The following CDK6 variants were observed in gnomAD, a reference collection of about 807,000 sequenced individuals.
CDK6 encodes the protein cyclin dependent kinase 6.
CDK6 carries 6 observed loss-of-function variants against 37.1 expected under a neutral mutation model. The ratio of observed to expected loss-of-function variants is 0.16; its 90% confidence interval spans 0.09 to 0.32. The LOEUF (loss-of-function observed/expected upper bound fraction) is 0.32, where lower values mean the gene tolerates loss of function less well. Ranked by LOEUF, CDK6 falls within the 10% of genes least tolerant of loss-of-function variation. The pLI is 1.00. For synonymous variants in CDK6, 160 were observed against 161.3 expected, an observed-to-expected ratio of 0.99 and a Z score of 0.06; for missense variants, 224 against 418.9, an observed-to-expected ratio of 0.53 and a Z score of 4.06.
At chr7:92,756,614 A>C (rs773407521) in intron 3 of CDK6, among the ~76,000 whole-genome samples, 28 of 152,208 alleles carry the variant, frequency 1.8e-4, no homozygotes, top group Non-Finnish European at 2.8e-4. Context: ...GCAATAACTT[A>C]AAGAGTTGTA....
intron 6 of CDK6, 107 bp downstream of exon 6, chr7:92,622,929 G>T: frequency 1.4e-6 from 1 of 705,592 alleles, no homozygotes; most frequent in South Asian, 1.8e-5. Flanking sequence ...GCAGCTGCTT[G>T]AAGTAAGAAA....
intron 3 of CDK6, among the ~76,000 whole-genome samples, chr7:92,764,179 C>T (rs1435691467): frequency 6.6e-6 from 1 of 150,404 alleles, no homozygotes; most frequent in African/African-American, 2.5e-5. Context: ...TGCTCTGTCA[C>T]CCAGGCTGCT....
intron 3 of CDK6, among the ~76,000 whole-genome samples, chr7:92,753,403 C>G (rs1032032255): frequency 6.6e-6 from 1 of 151,764 alleles, no homozygotes; most frequent in African/African-American, 2.4e-5. Context: ...CCGAATGAGG[C>G]AAATTTCTCA....
chr7:92,683,368 G>A (rs1015008683), intron 4 of CDK6, among the ~76,000 whole-genome samples: 1 of 152,196 alleles, frequency 6.6e-6, no homozygotes, highest in Non-Finnish European at 1.5e-5. Context: ...CAGGTTGCAA[G>A]CAAACCTACT....
chr7:92,829,531 G>A (rs1801423151), intron 2 of CDK6, among the ~76,000 whole-genome samples: 2 of 152,154 alleles, frequency 1.3e-5, no homozygotes, highest in South Asian at 4.1e-4. Flanking sequence ...GAGTAGCTAG[G>A]TATGATTTAC....
At chr7:92,620,061 T>G (rs1458412921) in intron 6 of CDK6, among the ~76,000 whole-genome samples, 1 of 152,136 alleles carries the variant, frequency 6.6e-6, no homozygotes, top group Non-Finnish European at 1.5e-5. Context: ...TTGTGTATAT[T>G]CACCAGTCAG....
intron 2 of CDK6, among the ~76,000 whole-genome samples, chr7:92,792,593 T>C (rs896924297): frequency 6.6e-6 from 1 of 152,086 alleles, no homozygotes; most frequent in Non-Finnish European, 1.5e-5. Flanking sequence ...GGAGGTGGAA[T>C]CCAGAAGATC....
At chr7:92,688,952 G>A (rs1797534654) in intron 4 of CDK6, among the ~76,000 whole-genome samples, 3 of 152,162 alleles carry the variant, frequency 2.0e-5, no homozygotes, top group Admixed American at 2.0e-4. Flanking sequence ...AACTATTTTG[G>A]CGGAGGGAGG....
intron 4 of CDK6, among the ~76,000 whole-genome samples, chr7:92,700,308 G>T (rs1033573034): frequency 3.3e-5 from 5 of 152,238 alleles, no homozygotes; most frequent in Non-Finnish European, 5.9e-5. Flanking sequence ...TCTGGTAACT[G>T]TGTAGGATTG....
At chr7:92,827,083 A>G (rs76649419) in intron 2 of CDK6, among the ~76,000 whole-genome samples, 3,619 of 152,264 alleles carry the variant, frequency 0.024, 136 homozygotes, top group South Asian at 0.18. Flanking sequence ...ATCAGTTTAT[A>G]TCTACAATGC....
chr7:92,653,650 T>G (rs1796626060), intron 5 of CDK6, among the ~76,000 whole-genome samples: 1 of 152,250 alleles, frequency 6.6e-6, no homozygotes, highest in Non-Finnish European at 1.5e-5. Context: ...ATGTCTCTTT[T>G]TAATGATTTT....
chr7:92,764,019 ATAGT>A (rs1324131370), intron 3 of CDK6, among the ~76,000 whole-genome samples: 1 of 151,896 alleles, frequency 6.6e-6, no homozygotes, highest in East Asian at 1.9e-4. Flanking sequence ...CCTTTATTAG[ATAGT>A]TACTCATTTT....
chr7:92,740,366 T>G (rs1334121612), intron 3 of CDK6, among the ~76,000 whole-genome samples: 5 of 152,210 alleles, frequency 3.3e-5, no homozygotes, highest in African/African-American at 1.2e-4. Flanking sequence ...TTTCAACTTG[T>G]CTTTCAAGGC....
At chr7:92,661,914 G>C (rs575413909) in intron 5 of CDK6, among the ~76,000 whole-genome samples, 2 of 152,354 alleles carry the variant, frequency 1.3e-5, no homozygotes, top group African/African-American at 4.8e-5. Context: ...GATGGGAAGG[G>C]ATGAAGAAAT....
intron 2 of CDK6, among the ~76,000 whole-genome samples, chr7:92,793,149 T>C (rs1049764827): frequency 6.6e-6 from 1 of 152,090 alleles, no homozygotes; most frequent in African/African-American, 2.4e-5. Flanking sequence ...TCAGGAAGAC[T>C]TGATATTGTT....
intron 4 of CDK6, among the ~76,000 whole-genome samples, chr7:92,694,703 C>T (rs1036680880): frequency 4.6e-5 from 7 of 152,100 alleles, no homozygotes; most frequent in Admixed American, 3.9e-4. Context: ...CAGAATCAAG[C>T]ATCATTGTTC....
Position 92,672,242 on chromosome 7 carries a change from C to CACACACACAT in CDK6, c.538-708_538-707insATGTGTGTGT, listed in dbSNP as rs1374477819. On this transcript the variant is annotated intron_variant, in intron 4 of 7. Coordinates refer to ENST00000424848, the MANE Select transcript of CDK6 (RefSeq NM_001145306.2). ...ACACACACACACACACACACACACA[C>CACACACACAT]ATATATGAAGATGGTGCCAGGGCTG... Among the ~76,000 whole-genome samples, 767 of 116,112 alleles carry CACACACACAT rather than the reference C, an allele frequency of 6.6e-3. 13 individuals are homozygous for CACACACACAT. The highest frequency in any genetic ancestry group is 0.015 in the African/African-American group (335 of 22,956). The allele number at this position is 116,112 out of a possible 152,430, so 76.2% of individuals were successfully genotyped here. A position where few individuals can be genotyped will look rare whatever the true frequency, so the allele number is the denominator to read the frequency against.
At chr7:92,822,541 C>T (rs951401890) in intron 2 of CDK6, among the ~76,000 whole-genome samples, 2 of 152,066 alleles carry the variant, frequency 1.3e-5, no homozygotes, top group African/African-American at 4.8e-5. Context: ...GTCATTTACT[C>T]AATTGATATT....
At chr7:92,697,957 C>A (rs138764868) in intron 4 of CDK6, among the ~76,000 whole-genome samples, 225 of 152,274 alleles carry the variant, frequency 1.5e-3, no homozygotes, top group African/African-American at 5.0e-3. Flanking sequence ...GTTTTATTCA[C>A]AGGCTACAGG....
Sources: allele counts gnomAD v4.1 joint callset (sites outside exome capture counted in the v4.1 genomes callset), GRCh38; gene constraint gnomAD v4.1.1; transcripts MANE v1.5; gene names NCBI Gene and HGNC (gene_info 2026-07-23, HGNC 2026-07-21).